AMOTL1: variants seen among roughly 807,000 people sequenced by gnomAD.
AMOTL1 encodes angiomotin like 1, also known as angiomotin-like protein 1.
In AMOTL1, 45 loss-of-function variants were observed where a neutral mutation model predicts 102.9. That is an observed-to-expected ratio of 0.44 (90% CI 0.34 to 0.56). The LOEUF is 0.56. AMOTL1 is among the 20% of genes least tolerant of loss of function. The probability of loss-of-function intolerance (pLI) is 0.01; values close to 1 mark genes in which losing one functional copy is unlikely to be tolerated. For synonymous variants in AMOTL1, 481 were observed against 484.7 expected (o/e 0.99, Z 0.10); for missense variants, 1,114 against 1,225.6 (o/e 0.91, Z 1.36).
At chr11:94,720,601 C>T (rs560799443) in intron 1 of AMOTL1, among the ~76,000 whole-genome samples, 1 of 152,176 alleles carries the variant, frequency 6.6e-6, no homozygotes, top group African/African-American at 2.4e-5. Flanking sequence ...TGGCTGGAAA[C>T]CCAATATTTG....
At chr11:94,777,129 TAAG>T (rs2135525928) in intron 1 of AMOTL1, among the ~76,000 whole-genome samples, 1 of 152,356 alleles carries the variant, frequency 6.6e-6, no homozygotes, top group Non-Finnish European at 1.5e-5. Flanking sequence ...GAAATCACAG[TAAG>T]CTTCAATTAA....
At chr11:94,798,006 A>C (rs1951400624) in intron 2 of AMOTL1, among the ~76,000 whole-genome samples, 1 of 152,114 alleles carries the variant, frequency 6.6e-6, no homozygotes, top group South Asian at 2.1e-4. Flanking sequence ...TGGGTTTGGA[A>C]GTGGGAATAA....
intron 1 of AMOTL1, among the ~76,000 whole-genome samples, chr11:94,712,672 TTTG>T (rs147923603): frequency 0.12 from 17,636 of 151,758 alleles, 1,194 homozygotes; most frequent in Non-Finnish European, 0.15. Context: ...ATTGGATTGT[TTTG>T]TTGTTGTTGT....
rs751143821 is a variant in AMOTL1, at chr11:94,800,234, C to T, written c.1044C>T (p.Pro348=). Residue 348 remains proline (P), a synonymous_variant, in exon 3 of 13, where the codon CCC becomes CCT. Transcript: ENST00000433060. ...GGATGCTCCACGAGATGGTCAAGCC[C>T]TACCCTGCTCCTCAGCCTGTGAGAA... ...HPGMLHEMVK[P]YPAPQPVRTD... 1.2e-6 allele frequency: 2 copies of T among 1,614,024 alleles called. No individual in the cohort carries two copies. The highest frequency in any genetic ancestry group is 1.7e-6 in the Non-Finnish European group (2 of 1,179,888).
At chr11:94,749,467 A>G (rs11821538) in intron 3 of AMOTL1, among the ~76,000 whole-genome samples, 19,791 of 152,144 alleles carry the variant, frequency 0.13, 2,787 homozygotes, top group African/African-American at 0.33. Flanking sequence ...ACCCTCACAG[A>G]CACACCCAGA....
chr11:94,772,411 A>G (rs191756529), intron 1 of AMOTL1, among the ~76,000 whole-genome samples: 1 of 151,904 alleles, frequency 6.6e-6, no homozygotes, highest in African/African-American at 2.4e-5. Context: ...AGCAACCACT[A>G]CTCCTGTTCA....
rs76402079 is a variant in AMOTL1, at chr11:94,858,993, T to C, written c.1945-532T>C. On this transcript the variant is annotated intron_variant, in intron 8 of 12. Coordinates refer to ENST00000433060, the MANE Select transcript of AMOTL1 (RefSeq NM_130847.3). ...CTCAGGCCTCTGAGTGGGGCAGGTGTGAATACCTCCTTTCCCAGCATTGCA... is the reference window on the plus strand; with the variant it reads ...CTCAGGCCTCTGAGTGGGGCAGGTGCGAATACCTCCTTTCCCAGCATTGCA... 1.2e-3 allele frequency among the ~76,000 whole-genome samples: 179 copies of C among 152,292 alleles called. 1 individual carries two copies. Among genetic ancestry groups the C allele is most frequent in the African/African-American group, 4.1e-3 (172 of 41,548 alleles).
chr11:94,717,915 A>G (rs1950120480), intron 1 of AMOTL1, among the ~76,000 whole-genome samples: 1 of 151,726 alleles, frequency 6.6e-6, no homozygotes, highest in South Asian at 2.1e-4. Flanking sequence ...TGAAAGAAAG[A>G]TAAACTCAGA....
chr11:94,844,157 C>G (rs1049788793), intron 6 of AMOTL1, among the ~76,000 whole-genome samples: 7 of 152,192 alleles, frequency 4.6e-5, no homozygotes, highest in Non-Finnish European at 8.8e-5. Context: ...CACCACCACC[C>G]CCTCTTCCCA....
chr11:94,859,910 C>G (rs1434695631), intron 9 of AMOTL1, among the ~76,000 whole-genome samples, 195 bp downstream of exon 9: 1 of 152,124 alleles, frequency 6.6e-6, no homozygotes, highest in African/African-American at 2.4e-5. Flanking sequence ...CAACATATAT[C>G]TTTCCTTTGA....
chr11:94,776,302 G>A (rs1313451920), intron 1 of AMOTL1, among the ~76,000 whole-genome samples: 2 of 152,098 alleles, frequency 1.3e-5, no homozygotes, highest in African/African-American at 4.8e-5. Flanking sequence ...CAGTCTTTAG[G>A]TCCTGCAGTT....
At chr11:94,869,717 T>C (rs572630775) in intron 12 of AMOTL1, among the ~76,000 whole-genome samples, 1 of 152,340 alleles carries the variant, frequency 6.6e-6, no homozygotes, top group African/African-American at 2.4e-5. Context: ...TGGCAATGCA[T>C]ACTTTTTAAC....
chr11:94,799,611 A>C lies in AMOTL1; in HGVS notation c.421A>C (p.Thr141Pro). The C allele has an allele frequency of 6.2e-7, 1 of 1,613,914 alleles. No homozygotes were observed. The highest frequency in any genetic ancestry group is 8.5e-7 in the Non-Finnish European group (1 of 1,179,870). The change falls in exon 3 of 13, where the codon ACG becomes CCG. Residue 141 changes from threonine to proline, a missense_variant. Physicochemically the swap from Thr to Pro is conservative, Grantham distance 38 (BLOSUM62 -1). Transcript: ENST00000433060. The surrounding 1 kb of genome is among the most constrained non-coding windows in gnomAD (Gnocchi z 4.5). ...CCATCCTACAAACAACTTTTCTTCC[A>C]CGGAAAACCTCACTCAAGAAGACCC... ...PAHPTNNFSS[T>P]ENLTQEDPQM...
At position 94,799,620 on chromosome 11, in the gene AMOTL1, C is replaced by G. The variant is rs1951432278; in HGVS notation, c.430C>G (p.Leu144Val). 6.2e-7 allele frequency: 1 copy of G among 1,613,964 alleles called. No homozygotes were observed. The highest frequency in any genetic ancestry group is 8.5e-7 in the Non-Finnish European group (1 of 1,179,888). Residue 144 changes from leucine to valine, a missense_variant, in exon 3 of 13, where the codon CTC (leucine) becomes GTC (valine). Physicochemically the swap from Leu to Val is conservative, Grantham distance 32. Transcript: ENST00000433060. This position sits in a 1 kb window ranked among gnomAD's most constrained non-coding sequence, Gnocchi z 4.5. ...AAACAACTTTTCTTCCACGGAAAAC[C>G]TCACTCAAGAAGACCCACAAATGGT... ...PTNNFSSTENLTQEDPQMVYQ... is the reference protein window; with the variant it reads ...PTNNFSSTENVTQEDPQMVYQ...
chr11:94,748,513 A>G (rs901270437), intron 3 of AMOTL1, among the ~76,000 whole-genome samples: 2 of 152,204 alleles, frequency 1.3e-5, no homozygotes, highest in African/African-American at 4.8e-5. Context: ...GGAGAAAGAG[A>G]TGCTGGATGA....
At chr11:94,756,312 C>G (rs890356445) in intron 3 of AMOTL1, among the ~76,000 whole-genome samples, 1 of 152,150 alleles carries the variant, frequency 6.6e-6, no homozygotes, top group Non-Finnish European at 1.5e-5. Flanking sequence ...GGCACAGGCC[C>G]GAGGATGGAG....
chr11:94,805,876 G>A (rs948671941), intron 3 of AMOTL1, among the ~76,000 whole-genome samples: 4 of 152,138 alleles, frequency 2.6e-5, no homozygotes, highest in East Asian at 1.9e-4. Flanking sequence ...ATTTCCTGTC[G>A]TAAAGCAGAC....
At chr11:94,760,446 G>A (rs1950778144) in intron 3 of AMOTL1, among the ~76,000 whole-genome samples, 1 of 152,140 alleles carries the variant, frequency 6.6e-6, no homozygotes, top group Non-Finnish European at 1.5e-5. Flanking sequence ...GTACCTGCAG[G>A]GACTATACTT....
chr11:94,748,451 G>T (rs556396924), intron 3 of AMOTL1, among the ~76,000 whole-genome samples: 2 of 152,306 alleles, frequency 1.3e-5, no homozygotes, highest in South Asian at 4.2e-4. Flanking sequence ...TGGGAAAACT[G>T]GGTGGGGATA....
Sources: gnomAD v4.1 joint callset for allele counts (sites outside exome capture counted in the v4.1 genomes callset) on GRCh38, gnomAD v4.1.1 for gene constraint, Gnocchi (gnomAD v3.1) non-coding constraint, MANE v1.5 for transcripts, NCBI Gene and HGNC (gene_info 2026-07-23, HGNC 2026-07-21) for gene names.